Variants in DCN observed in about 807,000 individuals in gnomAD.
The protein encoded by DCN is decorin.
DCN carries 17 observed loss-of-function variants against 36.5 expected under a neutral mutation model. The observed-to-expected ratio is 0.47, with a 90% confidence interval of 0.32 to 0.70. DCN has a LOEUF of 0.70. DCN is among the 30% of genes least tolerant of loss of function. The pLI, the probability that DCN is intolerant of heterozygous loss-of-function variation, is 0.04. For synonymous variants in DCN, 163 were observed against 161.4 expected (o/e 1.01, Z -0.07); for missense variants, 389 against 430.1 (o/e 0.90, Z 0.84).
rs555409336 is a variant in DCN at position 91,151,535 on chromosome 12, A to C, written c.885+119T>G. ...ATGGTATTTTGTCATAGAAATTCTA[A>C]CTAAGACACTCTGGAAAAAAAACTT... On this transcript the variant is annotated intron_variant, in intron 7 of 7. Transcript: ENST00000052754. 2.0e-4 allele frequency: 220 copies of C among 1,075,772 alleles called. 1 individual carries two copies. The highest frequency in any genetic ancestry group is 1.9e-3 in the South Asian group (142 of 75,152). The allele number at this position is 1,075,772 out of a possible 1,614,324, so 66.6% of individuals were successfully genotyped here.
chr12:91,160,444 C>T (rs1882088099), intron 3 of DCN, among the ~76,000 whole-genome samples: 1 of 152,030 alleles, frequency 6.6e-6, no homozygotes, highest in African/African-American at 2.4e-5. Flanking sequence ...AGGTCTTACA[C>T]TGTACCAAAT....
chr12:91,152,465 A>C (rs1881496587), intron 6 of DCN, among the ~76,000 whole-genome samples: 1 of 152,200 alleles, frequency 6.6e-6, no homozygotes, highest in Admixed American at 6.5e-5. Context: ...TTCCTTGAAG[A>C]CAAGTGAAAA....
At chr12:91,166,464 T>C (rs1322193401) in intron 2 of DCN, among the ~76,000 whole-genome samples, 3 of 152,204 alleles carry the variant, frequency 2.0e-5, no homozygotes, top group African/African-American at 4.8e-5. Flanking sequence ...TCTTTGTTAA[T>C]TGGTGTTCTC....
intron 5 of DCN, among the ~76,000 whole-genome samples, chr12:91,156,212 G>T (rs1423805140): frequency 6.6e-6 from 1 of 152,122 alleles, no homozygotes; most frequent in Admixed American, 6.5e-5. Flanking sequence ...TGGCTATGTG[G>T]TCATTGCTGT....
intron 2 of DCN, among the ~76,000 whole-genome samples, chr12:91,167,650 C>T (rs1209576989): frequency 2.6e-5 from 4 of 152,086 alleles, no homozygotes; most frequent in Admixed American, 6.5e-5. Flanking sequence ...ACTCGTTCAA[C>T]ATTCAAAATT....
In DCN at chr12:91,141,398, A is replaced by C. The variant is rs529825146; in HGVS notation, c.*4660T>G. Reference sequence around the variant, plus strand: ...TTCTTCATCTCCCTGCTCAAATGTCACTCCTGATAAGTCCTTTTTCCGACC... The same window carrying C: ...TTCTTCATCTCCCTGCTCAAATGTCCCTCCTGATAAGTCCTTTTTCCGACC... On this transcript the variant is annotated 3_prime_UTR_variant, in exon 8 of 8. Coordinates refer to ENST00000052754, the MANE Select transcript of DCN (RefSeq NM_001920.5). 6.6e-6 allele frequency: 1 copy of C among 151,720 alleles called. No homozygotes were observed. The highest frequency in any genetic ancestry group is 6.6e-5 in the Admixed American group (1 of 15,232). The allele number at this position is 151,720 out of a possible 1,614,324, so 9.4% of individuals were successfully genotyped here.
In DCN at chr12:91,159,171, T is replaced by A. The variant is rs377375045; in HGVS notation, c.325-662A>T. Reference sequence around the variant, plus strand: ...ACCCTAGATACCTGAAAATAATCAATGCCACAGACATCCATCCCGCAGTCA... The same window carrying A: ...ACCCTAGATACCTGAAAATAATCAAAGCCACAGACATCCATCCCGCAGTCA... On this transcript the variant is annotated intron_variant, in intron 3 of 7. Coordinates refer to ENST00000052754, the MANE Select transcript of DCN (RefSeq NM_001920.5). 1.1e-4 allele frequency among the ~76,000 whole-genome samples: 16 copies of A among 152,274 alleles called. No individual in the cohort carries two copies. In the South Asian group the frequency reaches 3.1e-3, roughly 30 times the overall value.
chr12:91,151,524 T>C (rs763546578), intron 7 of DCN, 130 bp downstream of exon 7: 26 of 960,806 alleles, frequency 2.7e-5, no homozygotes, highest in East Asian at 7.8e-5. Context: ...TATTTTGTCA[T>C]AGAAATTCTA....
intron 2 of DCN, chr12:91,172,360 A>G (rs950380358): frequency 6.5e-6 from 1 of 154,966 alleles, no homozygotes; most frequent in African/African-American, 2.4e-5. Flanking sequence ...TCTGTATTCA[A>G]CTTCATAATT....
Position 91,151,391 on chromosome 12 carries a change from C to T in DCN, c.885+263G>A, listed in dbSNP as rs964834149. On this transcript the variant is annotated intron_variant, in intron 7 of 7. Transcript: ENST00000052754. ...TCACTATGGCACCAACATCACCACC[C>T]CTACTGAAAAAAATATCAGCATTAC... 1.6e-5 allele frequency: 7 copies of T among 428,620 alleles called. No homozygotes were observed. The Admixed American group carries it at 1.7e-4, about 11-fold the overall frequency. The allele number at this position is 428,620 out of a possible 1,614,324, so 26.6% of individuals were successfully genotyped here.
chr12:91,144,728 C>T lies in DCN; in HGVS notation c.*1330G>A, dbSNP rs1026056710. 2 of 152,090 alleles carry T rather than the reference C, an allele frequency of 1.3e-5. No homozygotes were observed. The highest frequency in any genetic ancestry group is 4.8e-5 in the African/African-American group (2 of 41,408). The allele number at this position is 152,090 out of a possible 1,614,324, so 9.4% of individuals were successfully genotyped here. A position where few individuals can be genotyped will look rare whatever the true frequency, so the allele number is the denominator to read the frequency against. On this transcript the variant is annotated 3_prime_UTR_variant, in exon 8 of 8. Coordinates refer to ENST00000052754, the MANE Select transcript of DCN (RefSeq NM_001920.5). The stretch of plus-strand genomic sequence containing the variant: ...AGTCCCTGTCTTGAATAGTGCCTCC[C>T]CACCAAATCTTGCTCTTGAACTATT...
intron 7 of DCN, among the ~76,000 whole-genome samples, chr12:91,147,902 A>G (rs1230427650): frequency 6.6e-6 from 1 of 152,162 alleles, no homozygotes; most frequent in Admixed American, 6.5e-5. Context: ...TGTTTAAGAT[A>G]ATGGTAATTT....
At chr12:91,182,183 T>C (rs897136801) in intron 1 of DCN, among the ~76,000 whole-genome samples, 5 of 152,138 alleles carry the variant, frequency 3.3e-5, no homozygotes, top group African/African-American at 7.2e-5. Context: ...TGAAGAAATA[T>C]ACATTAGGTA....
At chr12:91,153,508 A>G (rs1881569856) in intron 5 of DCN, among the ~76,000 whole-genome samples, 1 of 152,070 alleles carries the variant, frequency 6.6e-6, no homozygotes, top group African/African-American at 2.4e-5. Context: ...ACCTTTGTTA[A>G]TGGGCTAAAA....
At chr12:91,175,921 T>C (rs907343374) in intron 2 of DCN, 27 of 152,126 alleles carry the variant, frequency 1.8e-4, no homozygotes, top group African/African-American at 5.5e-4. Context: ...AATCATCATA[T>C]AATTTTAACA....
chr12:91,144,167 TGC>T lies in DCN; in HGVS notation c.*1889_*1890del, dbSNP rs1880879606. 6.6e-6 allele frequency: 1 copy of T among 152,126 alleles called. No individual in the cohort carries two copies. Among genetic ancestry groups the T allele is most frequent in the Non-Finnish European group, 1.5e-5 (1 of 68,044 alleles). The allele number at this position is 152,126 out of a possible 1,614,324, so 9.4% of individuals were successfully genotyped here. A position where few individuals can be genotyped will look rare whatever the true frequency, so the allele number is the denominator to read the frequency against. On this transcript the variant is annotated 3_prime_UTR_variant, in exon 8 of 8. Coordinates refer to ENST00000052754, the MANE Select transcript of DCN (RefSeq NM_001920.5). ...TCATTCAAGGCTATAACATGGAGTG[TGC>T]ATCATTGAAGGCTACAACATGAAGG...
At chr12:91,167,472 G>C (rs867247041) in intron 2 of DCN, among the ~76,000 whole-genome samples, 21 of 145,122 alleles carry the variant, frequency 1.4e-4, no homozygotes, top group African/African-American at 3.7e-4. Flanking sequence ...CAGACAGACA[G>C]ACACACACAC....
chr12:91,160,147 T>C (rs1020512563), intron 3 of DCN, among the ~76,000 whole-genome samples: 18 of 152,050 alleles, frequency 1.2e-4, no homozygotes, highest in African/African-American at 4.3e-4. Flanking sequence ...GTTCAAAAAC[T>C]TGTGGGAGTT....
At chr12:91,150,321 C>T (rs191044627) in intron 7 of DCN, among the ~76,000 whole-genome samples, 2 of 152,224 alleles carry the variant, frequency 1.3e-5, no homozygotes, top group East Asian at 3.9e-4. Flanking sequence ...TTATTTCCAA[C>T]AAATGACATT....
Sources: gnomAD v4.1 joint callset for allele counts (sites outside exome capture counted in the v4.1 genomes callset) on GRCh38, gnomAD v4.1.1 for gene constraint, MANE v1.5 for transcripts, NCBI Gene and HGNC (gene_info 2026-07-23, HGNC 2026-07-21) for gene names.